The following FASTK variants were observed in gnomAD, a reference collection of about 807,000 sequenced individuals.
FASTK encodes Fas activated serine/threonine kinase.
FASTK carries 28 observed loss-of-function variants against 60.0 expected under a neutral mutation model. That is an observed-to-expected ratio of 0.47 (90% CI 0.35 to 0.64). The LOEUF is 0.64. FASTK is among the 30% of genes least tolerant of loss of function. The pLI is 0.01. For synonymous variants in FASTK, 325 were observed against 307.9 expected (o/e 1.06, Z -0.58); for missense variants, 595 against 713.8 (o/e 0.83, Z 1.90).
chr7:151,079,640 C>G lies in FASTK; in HGVS notation c.365G>C (p.Gly122Ala). 1.2e-6 allele frequency: 2 copies of G among 1,613,434 alleles called. No homozygotes were observed. The highest frequency in any genetic ancestry group is 1.7e-6 in the Non-Finnish European group (2 of 1,179,898). ...HHYSVALRRLGQLLGSRPRPP... is the reference protein window; with the variant it reads ...HHYSVALRRLAQLLGSRPRPP... ...CCGTGGCCGAGACCCCAAGAGCTGG[C>G]CCAGACGACGAAGCGCCACCGAGTA... is the stretch of plus-strand genomic sequence containing the variant. Residue 122 changes from glycine to alanine, a missense_variant, in exon 2 of 10, where the codon GGC (glycine) becomes GCC (alanine). Around this residue, in one of 2 missense-constraint regions of FASTK, gnomAD observed 471 missense variants for 605.9 expected, o/e 0.78. Coordinates refer to ENST00000297532, the MANE Select transcript of FASTK (RefSeq NM_006712.5).
Position 151,076,896 on chromosome 7 carries a change from A to G in FASTK, c.1542+17T>C, listed in dbSNP as rs1797682602. On this transcript the variant is annotated intron_variant, in intron 9 of 9. Coordinates refer to ENST00000297532, the MANE Select transcript of FASTK (RefSeq NM_006712.5). ...TGGGAGTGAGGATGCGCCACGGGCC[A>G]GGCCAGGGCCACTCACCGGCAGGAG... The G allele has an allele frequency of 6.2e-7, 1 of 1,600,680 alleles. No individual in the cohort carries two copies. Among genetic ancestry groups the G allele is most frequent in the African/African-American group, 1.3e-5 (1 of 74,802 alleles).
Position 151,078,577 on chromosome 7 carries a change from C to T in FASTK, c.810G>A (p.Thr270=), listed in dbSNP as rs1357650430. 5.0e-6 allele frequency: 8 copies of T among 1,613,406 alleles called. No individual in the cohort carries two copies. Among genetic ancestry groups the T allele is most frequent in the Admixed American group, 1.7e-5 (1 of 59,992 alleles). Residue 270 remains threonine (T), a synonymous_variant, in exon 4 of 10, where the codon ACG becomes ACA. Coordinates refer to ENST00000297532, the MANE Select transcript of FASTK (RefSeq NM_006712.5). ...GCAAGCCCACCTTGCTGCTGAGTTG[C>T]GTTTCCTGAACCACCAGGAAGTGGG... ...AIAHFLVVQE[T]QLSSKVVQKL...
chr7:151,077,457 C>A, intron 6 of FASTK, 56 bp from the exon 7 acceptor site: 1 of 1,575,806 alleles, frequency 6.3e-7, no homozygotes, highest in South Asian at 1.1e-5. Context: ...CCTAATCTGT[C>A]CCAGTCTAGT....
rs1797832274 is a variant in FASTK at position 151,079,015 on chromosome 7, G to A, written c.512C>T (p.Pro171Leu). The A allele has an allele frequency of 6.8e-7, 1 of 1,474,942 alleles. No homozygotes were observed. The highest frequency in any genetic ancestry group is 2.5e-5 in the East Asian group (1 of 39,602). The allele number at this position is 1,474,942 out of a possible 1,614,324, so 91.4% of individuals were successfully genotyped here. A position where few individuals can be genotyped will look rare whatever the true frequency, so the allele number is the denominator to read the frequency against. ...CLHLAVLLGF[P>L]SDGPLVCALE... ...GGCACACACCAGGGGACCATCAGAT[G>A]GAAAGCCTGAGGGGGAGAGGTAAAA... is the stretch of plus-strand genomic sequence containing the variant. The change falls in exon 3 of 10, where the codon CCA (proline) becomes CTA (leucine). Residue 171 changes from proline to leucine, a missense_variant. Pro to Leu is a moderately conservative substitution (Grantham distance 98). Coordinates refer to ENST00000297532, the MANE Select transcript of FASTK (RefSeq NM_006712.5).
chr7:151,077,560 G>T, intron 6 of FASTK, 61 bp downstream of exon 6: 1 of 1,524,194 alleles, frequency 6.6e-7, no homozygotes, highest in Non-Finnish European at 8.8e-7. Context: ...GGTCCCTCTG[G>T]CTTTTCCACT....
rs1797767243 is a variant in FASTK at position 151,078,050 on chromosome 7, G to A, written c.868C>T (p.Leu290=). Reference sequence around the variant, plus strand: ...GGCATAAACTGCTGTTCCAGGGGCAGGTAGTTCAGTCGCCCAAAGGGCAGG... The same window carrying A: ...GGCATAAACTGCTGTTCCAGGGGCAAGTAGTTCAGTCGCCCAAAGGGCAGG... ...LVLPFGRLNY[L]PLEQQFMPCL... is the part of the protein sequence containing the mutation. The change falls in exon 5 of 10, where the codon CTG becomes TTG. Residue 290 remains leucine (L), a synonymous_variant. Coordinates refer to ENST00000297532, the MANE Select transcript of FASTK (RefSeq NM_006712.5). 6.2e-7 allele frequency: 1 copy of A among 1,600,432 alleles called. No homozygotes were observed. Among genetic ancestry groups the A allele is most frequent in the Non-Finnish European group, 8.6e-7 (1 of 1,168,724 alleles).
chr7:151,080,655 C>A (rs1245055153), intron 1 of FASTK, 30 bp downstream of exon 1: 1 of 1,431,434 alleles, frequency 7.0e-7, no homozygotes, highest in Non-Finnish European at 9.1e-7. Context: ...GCTGCCCTCC[C>A]GCAGCCCTCC....
Position 151,077,886 on chromosome 7 carries a change from G to A in FASTK, c.1032C>T (p.Tyr344=), listed in dbSNP as rs560798838. ...HFVFSPGFIN[Y]ISGTPHALIV... ...GCCATCCTGGCTGCGTACCACTGAT[G>A]TAGTTGATGAAGCCAGGGGAAAAAA... The change falls in exon 5 of 10, where the codon TAC becomes TAT. Residue 344 remains tyrosine, a synonymous_variant. Coordinates refer to ENST00000297532, the MANE Select transcript of FASTK (RefSeq NM_006712.5). 5 of 1,613,282 alleles carry A rather than the reference G, an allele frequency of 3.1e-6. No individual in the cohort carries two copies. Among genetic ancestry groups the A allele is most frequent in the Non-Finnish European group, 4.2e-6 (5 of 1,179,660 alleles).
intron 4 of FASTK, 124 bp from the exon 5 acceptor site, chr7:151,078,216 TC>T: frequency 1.3e-6 from 1 of 742,332 alleles, no homozygotes. Context: ...GGACAGTCCC[TC>T]CGGCCTCACA....
At chr7:151,077,463 C>A (rs564605439) in intron 6 of FASTK, 62 bp from the exon 7 acceptor site, 2 of 1,560,734 alleles carry the variant, frequency 1.3e-6, no homozygotes, top group African/African-American at 1.4e-5. Flanking sequence ...CTGTCCCAGT[C>A]TAGTGCCACC....
At chr7:151,079,414 G>A in intron 2 of FASTK, 86 bp downstream of exon 2, 2 of 1,311,284 alleles carry the variant, frequency 1.5e-6, no homozygotes. Context: ...CTGAGAGGCT[G>A]GGTCTCTGTC....
chr7:151,078,494 G>A (rs878902353), intron 4 of FASTK, 68 bp downstream of exon 4: 77 of 1,554,066 alleles, frequency 5.0e-5, no homozygotes, highest in Admixed American at 3.1e-4. Flanking sequence ...CGAGCTGCAC[G>A]AGGCGCTGGG....
intron 2 of FASTK, 191 bp downstream of exon 2, chr7:151,079,309 T>C (rs1463881737): frequency 3.2e-6 from 2 of 625,984 alleles, no homozygotes; most frequent in Non-Finnish European, 5.4e-6. Context: ...GAATCTGGGG[T>C]GGCACCCTAG....
intron 4 of FASTK, 138 bp downstream of exon 4, chr7:151,078,424 T>C (rs1189003802): frequency 3.1e-5 from 29 of 948,472 alleles, no homozygotes; most frequent in Non-Finnish European, 4.4e-5. Flanking sequence ...AGAAAGGGTG[T>C]AGAAAAGATG....
chr7:151,076,947 C>G lies in FASTK; in HGVS notation c.1508G>C (p.Arg503Pro). ...CTGGTAGCCCATCAGGCCTAGGTGC[C>G]GCTCCCTCAGGGCCCTCGAGCCCAG... Reference protein sequence around the residue: ...VLLGSRALRERHLGLMGYQLL... With the variant: ...VLLGSRALREPHLGLMGYQLL... Residue 503 changes from arginine to proline, a missense_variant, in exon 9 of 10, where the codon CGG becomes CCG. Around this residue, in one of 2 missense-constraint regions of FASTK, gnomAD observed 471 missense variants for 605.9 expected, o/e 0.78. Coordinates refer to ENST00000297532, the MANE Select transcript of FASTK (RefSeq NM_006712.5). The G allele has an allele frequency of 6.2e-7, 1 of 1,611,518 alleles. No individual in the cohort carries two copies. Among genetic ancestry groups the G allele is most frequent in the Non-Finnish European group, 8.5e-7 (1 of 1,179,280 alleles).
intron 3 of FASTK, 63 bp from the exon 4 acceptor site, chr7:151,078,764 C>T: frequency 1.2e-6 from 2 of 1,609,946 alleles, no homozygotes; most frequent in Non-Finnish European, 1.7e-6. Context: ...AATTCCACCT[C>T]AGCCCAGCCA....
At position 151,077,131 on chromosome 7, in the gene FASTK, G is replaced by A. The variant is rs779249636; in HGVS notation, c.1397C>T (p.Ser466Phe). 8.1e-6 allele frequency: 13 copies of A among 1,612,204 alleles called. No homozygotes were observed. The Admixed American group carries it at 2.2e-4, about 27-fold the overall frequency. Residue 466 changes from serine to phenylalanine, a missense_variant, in exon 8 of 10, where the codon TCT becomes TTT. Transcript: ENST00000297532. ...GGCAGGGTCTCGAGTAGTGGCGCTAGAGGCAGCCTGGCCCTGTGGGCAGGA... is the reference window on the plus strand; with the variant it reads ...GGCAGGGTCTCGAGTAGTGGCGCTAAAGGCAGCCTGGCCCTGTGGGCAGGA... ...PRSCPQGQAA[S>F]SATTRDPAQR... is the part of the protein sequence containing the mutation.
intron 2 of FASTK, 52 bp from the exon 3 acceptor site, chr7:151,079,073 T>C (rs1198190203): frequency 7.2e-7 from 1 of 1,382,894 alleles, no homozygotes; most frequent in Non-Finnish European, 9.5e-7. Context: ...GCTGCTGTTC[T>C]TATCATGGGG....
rs776913075 is a variant in FASTK at position 151,078,835 on chromosome 7, C to T, written c.685+7G>A. On this transcript the variant is annotated splice_region_variant and intron_variant, in intron 3 of 9. Coordinates refer to ENST00000297532, the MANE Select transcript of FASTK (RefSeq NM_006712.5). ...CACCCCCATCTGATTTTAACCCCCT[C>T]CAGCACCTGCCAGGCTGCTGATCAG... 2.5e-6 allele frequency: 4 copies of T among 1,607,576 alleles called. No homozygotes were observed. The African/African-American group carries it at 4.0e-5, about 16-fold the overall frequency.
Sources: gnomAD v4.1 joint callset for allele counts on GRCh38, gnomAD v4.1.1 for gene constraint, gnomAD v4.1.1 regional missense constraint, MANE v1.5 for transcripts, NCBI Gene and HGNC (gene_info 2026-07-23, HGNC 2026-07-21) for gene names.